PLS1: variants seen among roughly 807,000 people sequenced by gnomAD.
PLS1 encodes the protein plastin 1, also known as plastin-1.
Under a neutral mutation model 73.7 loss-of-function variants are expected in PLS1, and 32 were observed. The ratio of observed to expected loss-of-function variants is 0.43; its 90% CI spans 0.33 to 0.58. The LOEUF (loss-of-function observed/expected upper bound fraction) is 0.58, where lower values mean the gene tolerates loss of function less well. Among genes scored for constraint, PLS1 ranks in the 20% least tolerant of loss-of-function variants. PLS1 has a pLI of 0.04. For missense variants in PLS1, 633 were observed against 740.5 expected (o/e 0.85, Z 1.68); for synonymous variants, 217 against 261.3 (o/e 0.83, Z 1.63).
At chr3:142,663,328 C>T (rs1005056280) in intron 1 of PLS1, among the ~76,000 whole-genome samples, 8 of 152,160 alleles carry the variant, frequency 5.3e-5, no homozygotes, top group Non-Finnish European at 4.4e-5. Flanking sequence ...TTGGGACATT[C>T]ATTATCAATT....
intron 4 of PLS1, among the ~76,000 whole-genome samples, chr3:142,674,398 C>G (rs146500674): frequency 1.6e-3 from 244 of 152,048 alleles, no homozygotes; most frequent in African/African-American, 5.7e-3. Context: ...TTTGGGGGTA[C>G]CTGCAAAATA....
intron 2 of PLS1, among the ~76,000 whole-genome samples, chr3:142,667,292 G>A (rs2037499466): frequency 6.6e-6 from 1 of 152,166 alleles, no homozygotes; most frequent in Non-Finnish European, 1.5e-5. Flanking sequence ...GCATGTACCT[G>A]TAGTCCCAGC....
intron 1 of PLS1, among the ~76,000 whole-genome samples, chr3:142,620,773 C>T (rs1292030410): frequency 6.6e-6 from 1 of 152,118 alleles, no homozygotes; most frequent in Non-Finnish European, 1.5e-5. Context: ...AATCACAGCA[C>T]TTTGGGAGGC....
intron 1 of PLS1, chr3:142,623,522 C>G (rs1375382420): frequency 2.0e-5 from 3 of 152,190 alleles, no homozygotes; most frequent in Admixed American, 6.5e-5. Context: ...AATTGTTTTT[C>G]TGGACTTCCA....
chr3:142,661,067 G>T (rs2037360834), intron 1 of PLS1, among the ~76,000 whole-genome samples: 2 of 152,078 alleles, frequency 1.3e-5, no homozygotes. Context: ...TACAGGAAAG[G>T]ATATGCAGGA....
chr3:142,636,061 T>C (rs2108599124), intron 1 of PLS1, among the ~76,000 whole-genome samples: 1 of 152,062 alleles, frequency 6.6e-6, no homozygotes, highest in East Asian at 1.9e-4. Flanking sequence ...GCTAATTTTT[T>C]TTTTTTTCCT....
rs532402477 is a variant in PLS1 at position 142,664,404 on chromosome 3, A to G, written c.70+97A>G. The G allele has an allele frequency of 1.3e-4, 75 of 584,180 alleles. No homozygotes were observed. In the East Asian group the frequency reaches 1.5e-3, roughly 12 times the overall value. 36.2% of individuals were successfully genotyped at this position (584,180 alleles called of 1,614,324 possible). A position where few individuals can be genotyped will look rare whatever the true frequency, so the allele number is the denominator to read the frequency against. On this transcript the variant is annotated intron_variant, in intron 2 of 15. Transcript: ENST00000457734. ...CTTTTATTTCATCTACCACCACCCA[A>G]TTACCTCCAGATTTATTCCTTTTTT... is the stretch of plus-strand genomic sequence containing the variant.
intron 1 of PLS1, among the ~76,000 whole-genome samples, chr3:142,649,486 A>G (rs1008424320): frequency 1.1e-4 from 16 of 152,088 alleles, no homozygotes; most frequent in African/African-American, 3.9e-4. Flanking sequence ...AAAATACAAA[A>G]AATTAGCCAG....
chr3:142,648,742 A>C (rs2037013963), intron 1 of PLS1, among the ~76,000 whole-genome samples: 1 of 152,190 alleles, frequency 6.6e-6, no homozygotes, highest in Non-Finnish European at 1.5e-5. Context: ...ATGAATGGAG[A>C]GTTTTTAATT....
chr3:142,670,631 A>G (rs1475194901), intron 3 of PLS1, among the ~76,000 whole-genome samples: 2 of 152,238 alleles, frequency 1.3e-5, no homozygotes, highest in African/African-American at 2.4e-5. Flanking sequence ...TTTATCATGA[A>G]TGCATTTGAG....
At chr3:142,634,010 A>G (rs2036623113) in intron 1 of PLS1, among the ~76,000 whole-genome samples, 1 of 152,246 alleles carries the variant, frequency 6.6e-6, no homozygotes, top group African/African-American at 2.4e-5. Context: ...TCAAACGTCT[A>G]GAGATAAAAC....
chr3:142,621,265 A>G (rs1159644172), intron 1 of PLS1, among the ~76,000 whole-genome samples: 1 of 152,152 alleles, frequency 6.6e-6, no homozygotes, highest in African/African-American at 2.4e-5. Flanking sequence ...TTTCCCAACA[A>G]AGTGGAAATT....
At chr3:142,690,851 T>A (rs1202494759) in intron 10 of PLS1, among the ~76,000 whole-genome samples, 1 of 152,156 alleles carries the variant, frequency 6.6e-6, no homozygotes, top group African/African-American at 2.4e-5. Flanking sequence ...AACACCCACA[T>A]TAGTATCAGA....
At chr3:142,645,042 AATCAT>A (rs1461201546) in intron 1 of PLS1, among the ~76,000 whole-genome samples, 1 of 152,242 alleles carries the variant, frequency 6.6e-6, no homozygotes, top group Admixed American at 6.5e-5. Flanking sequence ...CGTTTGATAG[AATCAT>A]TCAGTGGTGG....
intron 9 of PLS1, among the ~76,000 whole-genome samples, chr3:142,687,507 T>C (rs1269193314): frequency 1.3e-5 from 2 of 152,184 alleles, no homozygotes; most frequent in Non-Finnish European, 2.9e-5. Context: ...AACACAGTAT[T>C]GCAACGCTCT....
chr3:142,659,898 G>A (rs577037388), intron 1 of PLS1, among the ~76,000 whole-genome samples: 12 of 152,000 alleles, frequency 7.9e-5, no homozygotes, highest in African/African-American at 2.9e-4. Context: ...CATTTTAAGT[G>A]GAACCTTCTT....
rs79034063 is a variant in PLS1 at position 142,666,858 on chromosome 3, C to A, written c.71-2532C>A. Among the ~76,000 whole-genome samples the A allele has an allele frequency of 5.9e-3, 902 of 152,256 alleles. 9 individuals carry two copies. Among genetic ancestry groups the A allele is most frequent in the African/African-American group, 0.021 (863 of 41,548 alleles). ...CATTCTCCTAGGTGTGAAGTAGTAT[C>A]TCATTTTATTTGCATTTTCCTTATG... On this transcript the variant is annotated intron_variant, in intron 2 of 15. Coordinates refer to ENST00000457734, the MANE Select transcript of PLS1 (RefSeq NM_001145319.2).
intron 12 of PLS1, among the ~76,000 whole-genome samples, chr3:142,700,260 A>G (rs571539882): frequency 2.0e-5 from 3 of 152,122 alleles, no homozygotes; most frequent in South Asian, 4.2e-4. Flanking sequence ...TTCGCTTACA[A>G]AGTTCTTAAA....
chr3:142,669,640 G>A, intron 3 of PLS1, 87 bp downstream of exon 3: 1 of 796,172 alleles, frequency 1.3e-6, no homozygotes, highest in Non-Finnish European at 1.9e-6. Flanking sequence ...GTTAAATCCA[G>A]CTTCAGAGAC....
Sources: allele counts gnomAD v4.1 joint callset (sites outside exome capture counted in the v4.1 genomes callset), GRCh38; gene constraint gnomAD v4.1.1; transcripts MANE v1.5; gene names NCBI Gene and HGNC (gene_info 2026-07-23, HGNC 2026-07-21).